The following SPANXN2 variants were observed in gnomAD, a reference collection of about 807,000 sequenced individuals.
The protein encoded by SPANXN2 is sperm protein associated with the nucleus on the X chromosome N2.
In SPANXN2, 1 loss-of-function variant was observed where a neutral mutation model predicts 2.0. That is an observed-to-expected ratio of 0.50 (90% CI 0.18 to 2.36). The LOEUF (loss-of-function observed/expected upper bound fraction) is 2.36. Ranked by LOEUF, SPANXN2 falls within the 30% of genes most tolerant of loss-of-function variation. SPANXN2 has a pLI of 0.26. For missense variants in SPANXN2, 88 were observed against 116.7 expected, an observed-to-expected ratio of 0.75 and a Z score of 1.13; for synonymous variants, 43 against 49.8, an observed-to-expected ratio of 0.86 and a Z score of 0.58.
intron 1 of SPANXN2, among the ~76,000 whole-genome samples, chrX:143,720,348 C>T (rs1556450686): frequency 9.9e-6 from 1 of 101,411 alleles, no homozygotes; most frequent in Non-Finnish European, 2.0e-5. Flanking sequence ...GGAAAAAGGA[C>T]CAAACAGCCT....
chrX:143,715,880 ACACACTC>A (rs1932252692), intron 1 of SPANXN2, among the ~76,000 whole-genome samples: 1 of 111,240 alleles, frequency 9.0e-6, no homozygotes, highest in Non-Finnish European at 1.9e-5. Flanking sequence ...CCCATCTACC[ACACACTC>A]CTTTGTATTG....
chrX:143,720,698 T>C (rs377681418), exon 1 of SPANXN2: 14 of 1,189,388 alleles, frequency 1.2e-5, no homozygotes, highest in Non-Finnish European at 1.6e-5. Context: ...ATGTCTATAG[T>C]AGGCTCTTGT....
At chrX:143,712,756 T>C (rs782578264) in intron 1 of SPANXN2, among the ~76,000 whole-genome samples, 3 of 111,334 alleles carry the variant, frequency 2.7e-5, no homozygotes, top group East Asian at 5.7e-4. Context: ...AGTGAGACAC[T>C]CCATGGGGGC....
chrX:143,716,637 C>T (rs1441202258), intron 1 of SPANXN2, among the ~76,000 whole-genome samples: 2 of 112,236 alleles, frequency 1.8e-5, no homozygotes, highest in African/African-American at 6.5e-5. Flanking sequence ...TGGCAACGCC[C>T]CAGAAGCCAT....
At chrX:143,715,424 T>C (rs1448702023) in intron 1 of SPANXN2, among the ~76,000 whole-genome samples, 1 of 110,171 alleles carries the variant, frequency 9.1e-6, no homozygotes, top group Admixed American at 9.7e-5. Flanking sequence ...TTAAGTAAAT[T>C]CCAGAACTCC....
exon 1 of SPANXN2, chrX:143,720,651 T>G (rs375213984): frequency 2.7e-5 from 33 of 1,209,059 alleles, no homozygotes; most frequent in East Asian, 8.9e-5. Flanking sequence ...CATTGGTGCT[T>G]GAAGTCGGCT....
intron 1 of SPANXN2, among the ~76,000 whole-genome samples, chrX:143,714,376 C>G (rs1195299075): frequency 2.7e-5 from 3 of 111,617 alleles, no homozygotes; most frequent in Non-Finnish European, 3.8e-5. Flanking sequence ...ATGACCTTAC[C>G]TGGCATGACA....
intron 1 of SPANXN2, among the ~76,000 whole-genome samples, chrX:143,715,884 A>C (rs1291319858): frequency 1.8e-5 from 2 of 110,528 alleles, no homozygotes; most frequent in East Asian, 5.8e-4. Context: ...TCTACCACAC[A>C]CTCCTTTGTA....
intron 1 of SPANXN2, among the ~76,000 whole-genome samples, chrX:143,713,425 G>A (rs1311150585): frequency 6.3e-5 from 7 of 111,824 alleles, no homozygotes; most frequent in African/African-American, 2.0e-4. Flanking sequence ...GCTTCAATTA[G>A]TGGGTGAGTC....
At chrX:143,716,253 A>C (rs1556449712) in intron 1 of SPANXN2, among the ~76,000 whole-genome samples, 1 of 111,236 alleles carries the variant, frequency 9.0e-6, no homozygotes, top group African/African-American at 3.3e-5. Context: ...TCAGGTACCC[A>C]AATCAAAGTT....
At chrX:143,718,522 CACTGAATGCACATTTCAA>C (rs1168893083) in intron 1 of SPANXN2, among the ~76,000 whole-genome samples, 1 of 111,652 alleles carries the variant, frequency 9.0e-6, no homozygotes, top group Non-Finnish European at 1.9e-5. Flanking sequence ...ATCCTTTGCA[CACTGAATGCACATTTCAA>C]ACTAAAAAGA....
intron 1 of SPANXN2, among the ~76,000 whole-genome samples, chrX:143,718,892 C>G (rs190067596): frequency 1.5e-4 from 17 of 110,886 alleles, no homozygotes; most frequent in African/African-American, 5.3e-4. Flanking sequence ...CCACCCCGAA[C>G]GTCTAACAGA....
chrX:143,717,063 C>G (rs1252508907), intron 1 of SPANXN2, among the ~76,000 whole-genome samples: 3 of 112,168 alleles, frequency 2.7e-5, no homozygotes, highest in African/African-American at 9.7e-5. Context: ...CTCTTTTAGG[C>G]AGCCATGTCC....
At chrX:143,718,019 T>TCA (rs1270058212) in intron 1 of SPANXN2, among the ~76,000 whole-genome samples, 1 of 111,781 alleles carries the variant, frequency 8.9e-6, no homozygotes, top group East Asian at 2.8e-4. Context: ...CCAATTTGTT[T>TCA]CAGTTTAACC....
intron 1 of SPANXN2, among the ~76,000 whole-genome samples, chrX:143,718,889 G>C (rs1319568468): frequency 3.6e-5 from 4 of 110,370 alleles, no homozygotes; most frequent in African/African-American, 1.3e-4. Flanking sequence ...TCCCCACCCC[G>C]AACGTCTAAC....
exon 2 of SPANXN2, chrX:143,712,420 A>T (rs1932179067): frequency 1.7e-6 from 2 of 1,210,902 alleles, no homozygotes; most frequent in African/African-American, 1.7e-5. Flanking sequence ...GTAATACACT[A>T]TTATTGTTAG....
Position 143,716,962 on chromosome X carries a change from G to T in SPANXN2, c.78+3629C>A, listed in dbSNP as rs782078003. On this transcript the variant is annotated intron_variant, in intron 1 of 1. Coordinates refer to ENST00000598475, the Ensembl canonical transcript of SPANXN2. ...TCCGACTCTAAGCTCTCTCACTCCTGTCTGGACCTCTTAGACTCCCTCTCC... is the reference window on the plus strand; with the variant it reads ...TCCGACTCTAAGCTCTCTCACTCCTTTCTGGACCTCTTAGACTCCCTCTCC... Among the ~76,000 whole-genome samples, 4 of 111,674 alleles carry T rather than the reference G, an allele frequency of 3.6e-5. No homozygotes were observed. In the East Asian group the frequency reaches 1.1e-3, roughly 32 times the overall value.
At chrX:143,716,830 C>T (rs1556449854) in intron 1 of SPANXN2, among the ~76,000 whole-genome samples, 1 of 112,029 alleles carries the variant, frequency 8.9e-6, no homozygotes, top group Non-Finnish European at 1.9e-5. Context: ...CTATCCCTCC[C>T]ACCATCCTGC....
chrX:143,720,329 C>G (rs1306155613), intron 1 of SPANXN2, among the ~76,000 whole-genome samples: 2 of 104,915 alleles, frequency 1.9e-5, no homozygotes, highest in African/African-American at 6.9e-5. Flanking sequence ...ACCACAATGA[C>G]ATCCCACTGG....
Sources: allele counts gnomAD v4.1 joint callset (sites outside exome capture counted in the v4.1 genomes callset), GRCh38; gene constraint gnomAD v4.1.1; transcripts MANE v1.5; gene names NCBI Gene and HGNC (gene_info 2026-07-23, HGNC 2026-07-21).